The following CRTC3 variants were observed in gnomAD, a reference collection of about 807,000 sequenced individuals.
CRTC3 encodes the protein CREB-regulated transcription coactivator 3.
A neutral mutation model predicts 74.5 loss-of-function variants in CRTC3; 26 were observed. That is an observed-to-expected ratio of 0.35 (90% confidence interval 0.26 to 0.48). CRTC3 has a LOEUF of 0.48. CRTC3 is among the 20% of genes least tolerant of loss of function. The probability of loss-of-function intolerance (pLI) is 0.99; values close to 1 mark genes in which losing one functional copy is unlikely to be tolerated. For missense variants in CRTC3, 760 were observed against 787.3 expected (o/e 0.97, Z 0.41); for synonymous variants, 377 against 325.8 (o/e 1.16, Z -1.69).
intron 2 of CRTC3, among the ~76,000 whole-genome samples, chr15:90,562,082 C>T (rs1967023653): frequency 6.6e-6 from 1 of 152,202 alleles, no homozygotes; most frequent in Non-Finnish European, 1.5e-5. Context: ...TACCGCCAGC[C>T]TCTTGGGGAT....
intron 2 of CRTC3, among the ~76,000 whole-genome samples, chr15:90,552,099 T>G (rs1966860044): frequency 6.6e-6 from 1 of 152,200 alleles, no homozygotes; most frequent in African/African-American, 2.4e-5. Flanking sequence ...AATAAATAAT[T>G]GAATTGGCAA....
intron 2 of CRTC3, among the ~76,000 whole-genome samples, chr15:90,560,055 A>G (rs940392835): frequency 6.6e-5 from 10 of 152,052 alleles, no homozygotes; most frequent in African/African-American, 2.2e-4. Context: ...AATGTTAGAG[A>G]TACATGTTGT....
At position 90,630,756 on chromosome 15, in the gene CRTC3, A is replaced by ATTTTT. The variant is rs1175467073; in HGVS notation, c.1266+1252_1266+1256dup. Among the ~76,000 whole-genome samples, 97 of 23,650 alleles carry ATTTTT rather than the reference A, an allele frequency of 4.1e-3. 18 individuals carry two copies. Among genetic ancestry groups the ATTTTT allele is most frequent in the African/African-American group, 8.2e-3 (77 of 9,424 alleles). 15.5% of individuals were successfully genotyped at this position (23,650 alleles called of 152,430 possible). On this transcript the variant is annotated intron_variant, in intron 11 of 14. Coordinates refer to ENST00000268184, the MANE Select transcript of CRTC3 (RefSeq NM_022769.5). ...CACATCCTCTGTCTATTACAGCATC[A>ATTTTT]TTTTTTTTTTTTTTTTTTTTTTTTT...
In CRTC3 at chr15:90,644,197, T is replaced by C. The variant is rs1969548812; in HGVS notation, c.*2057T>C. The C allele has an allele frequency of 8.8e-6, 2 of 227,808 alleles. No individual in the cohort carries two copies. The highest frequency in any genetic ancestry group is 1.7e-5 in the Non-Finnish European group (2 of 114,756). 14.1% of individuals were successfully genotyped at this position (227,808 alleles called of 1,614,324 possible). A position where few individuals can be genotyped will look rare whatever the true frequency, so the allele number is the denominator to read the frequency against. On this transcript the variant is annotated 3_prime_UTR_variant, in exon 15 of 15. Coordinates refer to ENST00000268184, the MANE Select transcript of CRTC3 (RefSeq NM_022769.5). ...GTTCCCAGTTACACTTTCAGATCCC[T>C]TTGTGCTCAAGATCTCAGAGGGGGT...
chr15:90,642,174 G>C lies in CRTC3; in HGVS notation c.*34G>C, dbSNP rs1173460907. 5.7e-6 allele frequency: 9 copies of C among 1,578,344 alleles called. No homozygotes were observed. The highest frequency in any genetic ancestry group is 7.8e-6 in the Non-Finnish European group (9 of 1,148,378). ...CAGTGGAACAGAAGAATGTTTTTCT[G>C]CAACAGCCAAAATAGAATGGAATAG... On this transcript the variant is annotated 3_prime_UTR_variant, in exon 15 of 15. Coordinates refer to ENST00000268184, the MANE Select transcript of CRTC3 (RefSeq NM_022769.5).
chr15:90,624,261 A>G (rs1218171045), intron 9 of CRTC3, among the ~76,000 whole-genome samples: 1 of 151,566 alleles, frequency 6.6e-6, no homozygotes, highest in Non-Finnish European at 1.5e-5. Flanking sequence ...CTCTTTTCCT[A>G]TATCACCCCT....
intron 11 of CRTC3, chr15:90,634,624 G>A (rs1401709636): frequency 2.1e-6 from 1 of 486,304 alleles, no homozygotes; most frequent in African/African-American, 1.9e-5. Context: ...AGGGCCTGGT[G>A]ATCCTCAGTG....
intron 9 of CRTC3, among the ~76,000 whole-genome samples, chr15:90,623,571 C>T (rs989081917): frequency 6.6e-5 from 10 of 152,096 alleles, no homozygotes; most frequent in African/African-American, 2.2e-4. Flanking sequence ...TCCCTGCGCT[C>T]GTGGCCTCCT....
At chr15:90,590,388 T>G (rs930982772) in intron 2 of CRTC3, among the ~76,000 whole-genome samples, 6 of 151,728 alleles carry the variant, frequency 4.0e-5, no homozygotes, top group Non-Finnish European at 8.8e-5. Flanking sequence ...TGAAAAGGAG[T>G]AGAAAAAGTG....
At chr15:90,531,944 T>C (rs886766418) in intron 1 of CRTC3, among the ~76,000 whole-genome samples, 1 of 152,138 alleles carries the variant, frequency 6.6e-6, no homozygotes, top group African/African-American at 2.4e-5. Flanking sequence ...ATCCTCACTG[T>C]TTACTTACTT....
chr15:90,641,896 A>G (rs974108004), intron 14 of CRTC3, 36 bp from the exon 15 acceptor site: 2 of 1,599,394 alleles, frequency 1.3e-6, no homozygotes, highest in South Asian at 1.1e-5. Flanking sequence ...CGCGCCTCCT[A>G]ACCGCACTGT....
intron 3 of CRTC3, among the ~76,000 whole-genome samples, chr15:90,597,361 C>CAGAA (rs5814440): frequency 0.22 from 33,522 of 152,012 alleles, 4,585 homozygotes; most frequent in African/African-American, 0.38. Flanking sequence ...ATGACACGCT[C>CAGAA]AGAAGGAAAC....
chr15:90,537,351 T>C (rs1179985663), intron 1 of CRTC3, among the ~76,000 whole-genome samples: 1 of 152,062 alleles, frequency 6.6e-6, no homozygotes, highest in Non-Finnish European at 1.5e-5. Context: ...CACACGGGAG[T>C]TGCAGGTTAC....
intron 2 of CRTC3, among the ~76,000 whole-genome samples, chr15:90,591,484 A>G (rs2151077173): frequency 6.6e-6 from 1 of 152,226 alleles, no homozygotes; most frequent in Non-Finnish European, 1.5e-5. Context: ...ACGCCTTCTA[A>G]AGACCCTTCT....
chr15:90,581,481 A>AT (rs1967540628), intron 2 of CRTC3, among the ~76,000 whole-genome samples: 1 of 152,148 alleles, frequency 6.6e-6, no homozygotes, highest in Admixed American at 6.6e-5. Context: ...TGTGAAAAAA[A>AT]GTTGTTTTGT....
intron 3 of CRTC3, chr15:90,594,577 G>C (rs954821494): frequency 6.6e-6 from 1 of 152,286 alleles, no homozygotes; most frequent in East Asian, 1.9e-4. Flanking sequence ...ATTCCTGGCA[G>C]TGATGGTAGA....
intron 6 of CRTC3, among the ~76,000 whole-genome samples, chr15:90,611,740 C>G (rs149661748): frequency 3.7e-4 from 56 of 152,270 alleles, no homozygotes; most frequent in African/African-American, 1.3e-3. Flanking sequence ...CTGCCAGTAT[C>G]CTACTTGGTT....
chr15:90,579,937 A>T (rs1193799141), intron 2 of CRTC3, among the ~76,000 whole-genome samples: 2 of 152,026 alleles, frequency 1.3e-5, no homozygotes, highest in Non-Finnish European at 2.9e-5. Context: ...CCACCTGCCC[A>T]GACACGTATT....
At chr15:90,569,700 C>T (rs936488184) in intron 2 of CRTC3, among the ~76,000 whole-genome samples, 4 of 151,792 alleles carry the variant, frequency 2.6e-5, no homozygotes, top group Non-Finnish European at 4.4e-5. Context: ...CCCATCTTAG[C>T]TTCTGAAGTA....
Sources: gnomAD v4.1 joint callset for allele counts (sites outside exome capture counted in the v4.1 genomes callset) on GRCh38, gnomAD v4.1.1 for gene constraint, MANE v1.5 for transcripts, NCBI Gene and HGNC (gene_info 2026-07-23, HGNC 2026-07-21) for gene names.